FAM178B: variants seen among roughly 807,000 people sequenced by gnomAD.
FAM178B encodes protein FAM178B.
A neutral mutation model predicts 91.7 loss-of-function variants in FAM178B; 82 were observed. That is an observed-to-expected ratio of 0.89 (90% CI 0.75 to 1.07). The LOEUF (loss-of-function observed/expected upper bound fraction) is 1.07, where lower values mean the gene tolerates loss of function less well. FAM178B is among the 50% of genes least tolerant of loss of function. The pLI, the probability that FAM178B is intolerant of heterozygous loss-of-function variation, is 0.00. For missense variants in FAM178B, 769 were observed against 846.7 expected (o/e 0.91, Z 1.14); for synonymous variants, 368 against 359.4 (o/e 1.02, Z -0.27).
chr2:96,880,929 TTG>T (rs1199616836), intron 14 of FAM178B, among the ~76,000 whole-genome samples: 1 of 152,000 alleles, frequency 6.6e-6, no homozygotes, highest in African/African-American at 2.4e-5. Flanking sequence ...CCAACGGTAA[TTG>T]GCTGAACCTA....
At chr2:96,956,386 G>A (rs61073402) in intron 6 of FAM178B, among the ~76,000 whole-genome samples, 1,813 of 152,264 alleles carry the variant, frequency 0.012, 39 homozygotes, top group African/African-American at 0.041. Flanking sequence ...CAGGCTCCCC[G>A]GGAAGAGGGT....
At chr2:96,919,946 G>C (rs1185650883) in intron 12 of FAM178B, among the ~76,000 whole-genome samples, 1 of 152,206 alleles carries the variant, frequency 6.6e-6, no homozygotes, top group Admixed American at 6.5e-5. Context: ...CTGGGCCCTG[G>C]GGTGTGAGGC....
intron 12 of FAM178B, among the ~76,000 whole-genome samples, chr2:96,906,903 A>G (rs1183710798): frequency 6.6e-6 from 1 of 152,110 alleles, no homozygotes; most frequent in Admixed American, 6.5e-5. Context: ...CATTAATCCA[A>G]AACTTGAGGC....
chr2:96,879,544 C>CA (rs966259648), intron 14 of FAM178B, among the ~76,000 whole-genome samples: 3 of 152,262 alleles, frequency 2.0e-5, no homozygotes, highest in Non-Finnish European at 4.4e-5. Flanking sequence ...TTGGTACCAT[C>CA]AACTGACTTC....
In FAM178B at chr2:96,894,066, G is replaced by A; in HGVS notation, c.1651-15C>T. ...AGCGAGGACAGCTGGGGAGGAGAAG[G>A]GAGGCTGTCACTCACAGAGGGTGGT... On this transcript the variant is annotated splice_polypyrimidine_tract_variant and intron_variant, in intron 13 of 16. Coordinates refer to ENST00000490605, the MANE Select transcript of FAM178B (RefSeq NM_001122646.3). 1 of 1,596,700 alleles carries A rather than the reference G, an allele frequency of 6.3e-7. No homozygotes were observed. The highest frequency in any genetic ancestry group is 1.1e-5 in the South Asian group (1 of 88,704).
intron 8 of FAM178B, among the ~76,000 whole-genome samples, chr2:96,942,415 C>T (rs60523145): frequency 2.0e-5 from 3 of 152,242 alleles, no homozygotes; most frequent in South Asian, 2.1e-4. Flanking sequence ...TTTTTTCAGA[C>T]GGAGTCTCGC....
At chr2:96,963,508 C>T (rs761423937) in intron 5 of FAM178B, among the ~76,000 whole-genome samples, 1 of 152,208 alleles carries the variant, frequency 6.6e-6, no homozygotes, top group African/African-American at 2.4e-5. Context: ...CCATGTGGGA[C>T]GTCATGGCCG....
chr2:96,965,466 AT>A (rs371454952), intron 5 of FAM178B, among the ~76,000 whole-genome samples: 1,629 of 136,242 alleles, frequency 0.012, 26 homozygotes, highest in East Asian at 0.059. Flanking sequence ...GTCTCCCCCC[AT>A]TTTTTTTTTT....
chr2:96,983,240 TATAA>T (rs1317175602), intron 1 of FAM178B, among the ~76,000 whole-genome samples: 2 of 152,130 alleles, frequency 1.3e-5, no homozygotes, highest in African/African-American at 2.4e-5. Context: ...GTACATTTAG[TATAA>T]ATGTGTGTCT....
In FAM178B at chr2:96,942,432, G is replaced by A. The variant is rs192999277; in HGVS notation, c.1078+5386C>T. On this transcript the variant is annotated intron_variant, in intron 8 of 16. Transcript: ENST00000490605. ...TTTTCAGACGGAGTCTCGCTCTGTCGCCCAGGCTGGAGTGCAGTGGTGCGA... is the reference window on the plus strand; with the variant it reads ...TTTTCAGACGGAGTCTCGCTCTGTCACCCAGGCTGGAGTGCAGTGGTGCGA... 3.5e-3 allele frequency among the ~76,000 whole-genome samples: 528 copies of A among 152,226 alleles called. 21 individuals are homozygous for A. The East Asian group carries it at 0.052, about 15-fold the overall frequency.
At chr2:96,933,917 GC>G (rs376666621) in intron 8 of FAM178B, among the ~76,000 whole-genome samples, 123 of 152,314 alleles carry the variant, frequency 8.1e-4, no homozygotes, top group African/African-American at 2.8e-3. Context: ...TTTACGGGAG[GC>G]TTAAAATCCA....
At chr2:96,890,552 T>G (rs1378710083) in intron 14 of FAM178B, among the ~76,000 whole-genome samples, 1 of 152,122 alleles carries the variant, frequency 6.6e-6, no homozygotes, top group African/African-American at 2.4e-5. Flanking sequence ...TGGCCAGATA[T>G]GGTTTATACA....
intron 8 of FAM178B, 24 bp from the exon 9 acceptor site, chr2:96,929,344 G>A (rs540541270): frequency 1.3e-6 from 2 of 1,503,904 alleles, no homozygotes; most frequent in South Asian, 2.4e-5. Context: ...AGGGAGCAGA[G>A]AGTTAGAATG....
At chr2:96,905,669 G>A (rs1242400242) in intron 12 of FAM178B, among the ~76,000 whole-genome samples, 3 of 150,028 alleles carry the variant, frequency 2.0e-5, no homozygotes, top group Admixed American at 6.6e-5. Context: ...GGGTGCGGTG[G>A]CTCATGCCTG....
At position 96,928,356 on chromosome 2, in the gene FAM178B, G is replaced by A. The variant is rs529528382; in HGVS notation, c.1193+850C>T. On this transcript the variant is annotated intron_variant, in intron 9 of 16. Transcript: ENST00000490605. ...AGATGACGATATATAACACTTTTAC[G>A]ACCTTAAGCTAAGTCGCCATCCGCC... is the stretch of plus-strand genomic sequence containing the variant. Among the ~76,000 whole-genome samples, 18 of 152,190 alleles carry A rather than the reference G, an allele frequency of 1.2e-4. No individual in the cohort carries two copies. In the South Asian group the frequency reaches 2.3e-3, roughly 19 times the overall value.
intron 1 of FAM178B, among the ~76,000 whole-genome samples, chr2:96,985,330 G>GCTCA (rs1387261944): frequency 6.6e-6 from 1 of 152,106 alleles, no homozygotes; most frequent in African/African-American, 2.4e-5. Flanking sequence ...ACTTGGCCAT[G>GCTCA]CTCACTCTAC....
At chr2:96,971,837 CT>C in intron 3 of FAM178B, 63 bp downstream of exon 3, 4 of 1,416,896 alleles carry the variant, frequency 2.8e-6, no homozygotes, top group Middle Eastern at 1.8e-4. Flanking sequence ...CCTGGGGTGA[CT>C]GTAAAAGGGT....
chr2:96,986,503 A>G lies in FAM178B; in HGVS notation c.-190T>C. Reference sequence around the variant, plus strand: ...GGAACCTAAAGATCCAGTTCTGGGGATTGAGTTCCGACTCCAAACCAAGCG... The same window carrying G: ...GGAACCTAAAGATCCAGTTCTGGGGGTTGAGTTCCGACTCCAAACCAAGCG... On this transcript the variant is annotated 5_prime_UTR_variant, in exon 1 of 17. Transcript: ENST00000490605. 1.5e-6 allele frequency: 1 copy of G among 680,678 alleles called. No homozygotes were observed. The highest frequency in any genetic ancestry group is 2.4e-6 in the Non-Finnish European group (1 of 424,796). 42.2% of individuals were successfully genotyped at this position (680,678 alleles called of 1,614,324 possible). A position where few individuals can be genotyped will look rare whatever the true frequency, so the allele number is the denominator to read the frequency against.
Position 96,951,413 on chromosome 2 carries a change from T to C in FAM178B, c.959A>G (p.Asp320Gly), listed in dbSNP as rs865842451. The C allele has an allele frequency of 7.7e-6, 12 of 1,551,456 alleles. No individual in the cohort carries two copies. Among genetic ancestry groups the C allele is most frequent in the African/African-American group, 4.1e-5 (3 of 73,112 alleles). The part of the protein sequence containing the change: ...LLNILYLHMP[D>G]CPVSLLQWLF... ...CCACTGGAGCAGGGATACCGGGCAG[T>C]CAGGCATGTGCAGGTAGAGGATGTT... The change falls in exon 7 of 17, where the codon GAC (aspartate) becomes GGC (glycine). Residue 320 changes from aspartate (D) to glycine (G), a missense_variant. Coordinates refer to ENST00000490605, the MANE Select transcript of FAM178B (RefSeq NM_001122646.3).
Sources: allele counts gnomAD v4.1 joint callset (sites outside exome capture counted in the v4.1 genomes callset), GRCh38; gene constraint gnomAD v4.1.1; transcripts MANE v1.5; gene names NCBI Gene and HGNC (gene_info 2026-07-23, HGNC 2026-07-21).